The following POU6F2 variants were observed in gnomAD, a reference collection of about 807,000 sequenced individuals.
The protein encoded by POU6F2 is POU domain, class 6, transcription factor 2.
In POU6F2, 31 loss-of-function variants were observed where a neutral mutation model predicts 71.3. The ratio of observed to expected loss-of-function variants is 0.43; its 90% CI spans 0.33 to 0.59. POU6F2 has a LOEUF of 0.59. POU6F2 is among the 20% of genes least tolerant of loss of function. The probability of loss-of-function intolerance (pLI) is 0.04; values close to 1 mark genes in which losing one functional copy is unlikely to be tolerated. For missense variants in POU6F2, 783 were observed against 856.8 expected (o/e 0.91, Z 1.07); for synonymous variants, 347 against 355.7 (o/e 0.98, Z 0.27).
chr7:39,214,561 A>G (rs1794203720), intron 4 of POU6F2, among the ~76,000 whole-genome samples: 1 of 152,172 alleles, frequency 6.6e-6, no homozygotes, highest in African/African-American at 2.4e-5. Flanking sequence ...ATGTATTGCT[A>G]ATGTGCATCA....
At chr7:39,258,452 A>G (rs752314718) in intron 4 of POU6F2, among the ~76,000 whole-genome samples, 5 of 152,222 alleles carry the variant, frequency 3.3e-5, no homozygotes, top group Non-Finnish European at 7.3e-5. Flanking sequence ...GGTAGCTGGT[A>G]TAAGCCACAA....
intron 1 of POU6F2, among the ~76,000 whole-genome samples, chr7:39,032,633 G>T (rs1411208168): frequency 1.3e-5 from 2 of 152,326 alleles, no homozygotes; most frequent in East Asian, 3.9e-4. Context: ...TGCATAAGTA[G>T]AGAGAAATGC....
chr7:39,351,097 T>C (rs1786132144), intron 5 of POU6F2, among the ~76,000 whole-genome samples: 1 of 152,234 alleles, frequency 6.6e-6, no homozygotes, highest in Non-Finnish European at 1.5e-5. Flanking sequence ...TCCAGGAGAC[T>C]CCGTGTGTGC....
At chr7:39,091,890 G>T (rs898838334) in intron 2 of POU6F2, among the ~76,000 whole-genome samples, 8 of 152,194 alleles carry the variant, frequency 5.3e-5, no homozygotes, top group Non-Finnish European at 1.2e-4. Context: ...GAGAGAACTG[G>T]CACTTTCTTT....
At chr7:39,050,781 G>A (rs538324300) in intron 1 of POU6F2, among the ~76,000 whole-genome samples, 8 of 152,204 alleles carry the variant, frequency 5.3e-5, no homozygotes, top group Non-Finnish European at 1.0e-4. Context: ...AGAAAAATCT[G>A]GGGGACAAGA....
chr7:39,265,900 T>C (rs1400246453), intron 4 of POU6F2, among the ~76,000 whole-genome samples: 1 of 152,214 alleles, frequency 6.6e-6, no homozygotes. Context: ...TAATTACAAG[T>C]GTCTCCAAGG....
At chr7:39,101,043 T>C (rs1791561621) in intron 2 of POU6F2, among the ~76,000 whole-genome samples, 1 of 151,298 alleles carries the variant, frequency 6.6e-6, no homozygotes, top group Non-Finnish European at 1.5e-5. Flanking sequence ...TCTTCCAATT[T>C]TTCATATTTT....
At chr7:39,380,453 A>G (rs1207648219) in intron 5 of POU6F2, among the ~76,000 whole-genome samples, 5 of 152,206 alleles carry the variant, frequency 3.3e-5, no homozygotes, top group Admixed American at 3.3e-4. Flanking sequence ...TGCATCTCCA[A>G]TAATGTTGAT....
chr7:39,110,260 C>T (rs1403986348), intron 2 of POU6F2, among the ~76,000 whole-genome samples: 1 of 117,178 alleles, frequency 8.5e-6, no homozygotes, highest in Non-Finnish European at 1.7e-5. Context: ...CAGAGCGAAA[C>T]TCCGTCTCAA....
intron 4 of POU6F2, among the ~76,000 whole-genome samples, chr7:39,212,797 A>G (rs2128746978): frequency 6.6e-6 from 1 of 152,364 alleles, no homozygotes; most frequent in African/African-American, 2.4e-5. Flanking sequence ...AGCTGTACTA[A>G]AGATGTGCAG....
intron 5 of POU6F2, among the ~76,000 whole-genome samples, chr7:39,354,298 A>G (rs1026972863): frequency 1.3e-5 from 2 of 152,194 alleles, no homozygotes; most frequent in African/African-American, 2.4e-5. Context: ...TTTTAGTTTT[A>G]CGTGTGGTGA....
intron 4 of POU6F2, among the ~76,000 whole-genome samples, chr7:39,256,070 T>C (rs1784014735): frequency 6.6e-6 from 1 of 152,148 alleles, no homozygotes; most frequent in Non-Finnish European, 1.5e-5. Flanking sequence ...TTTCTGCCTT[T>C]CCCGGGTACA....
At chr7:39,442,855 C>T (rs1234656188) in intron 7 of POU6F2, among the ~76,000 whole-genome samples, 2 of 152,156 alleles carry the variant, frequency 1.3e-5, no homozygotes, top group African/African-American at 4.8e-5. Context: ...TATAAAGTAG[C>T]TCTCACTCTC....
intron 5 of POU6F2, among the ~76,000 whole-genome samples, chr7:39,341,668 TC>T (rs1785920615): frequency 6.6e-6 from 1 of 152,198 alleles, no homozygotes; most frequent in Non-Finnish European, 1.5e-5. Context: ...ATATTGCCCT[TC>T]CTTGAGGAGT....
intron 5 of POU6F2, among the ~76,000 whole-genome samples, chr7:39,378,713 T>C (rs1268246339): frequency 1.3e-5 from 2 of 152,204 alleles, no homozygotes; most frequent in East Asian, 3.9e-4. Context: ...TCCTTGCAAC[T>C]TGGGTTCAAA....
chr7:39,163,054 CA>C (rs1461172619), intron 2 of POU6F2, among the ~76,000 whole-genome samples: 2 of 152,126 alleles, frequency 1.3e-5, no homozygotes, highest in African/African-American at 4.8e-5. Flanking sequence ...TAACTCATAC[CA>C]GTATGAATTT....
intron 1 of POU6F2, among the ~76,000 whole-genome samples, chr7:39,008,470 G>A (rs1193501609): frequency 1.3e-5 from 2 of 149,694 alleles, no homozygotes; most frequent in Non-Finnish European, 3.0e-5. Context: ...CATTTTGTAG[G>A]TTGCCTGTTC....
intron 1 of POU6F2, among the ~76,000 whole-genome samples, chr7:39,080,402 TG>T (rs1480498229): frequency 6.6e-6 from 1 of 152,214 alleles, no homozygotes; most frequent in Non-Finnish European, 1.5e-5. Context: ...CTCTTCTCCG[TG>T]GGAAAAACTA....
At position 39,191,732 on chromosome 7, in the gene POU6F2, A is replaced by G. The variant is rs369208199; in HGVS notation, c.278-12503A>G. On this transcript the variant is annotated intron_variant, in intron 2 of 9. Coordinates refer to ENST00000518318, the MANE Select transcript of POU6F2 (RefSeq NM_001370959.1). ...CAAAATAATGCTTTGCTAAAAGGAT[A>G]AAAGAATATGACCTAAGTCTATTAG... Among the ~76,000 whole-genome samples the G allele has an allele frequency of 3.9e-5, 6 of 152,376 alleles. No individual in the cohort carries two copies. The South Asian group carries it at 6.2e-4, about 16-fold the overall frequency.
Sources: gnomAD v4.1 joint callset for allele counts (sites outside exome capture counted in the v4.1 genomes callset) on GRCh38, gnomAD v4.1.1 for gene constraint, MANE v1.5 for transcripts, NCBI Gene and HGNC (gene_info 2026-07-23, HGNC 2026-07-21) for gene names.